SHB: variants seen among roughly 807,000 people sequenced by gnomAD.
SHB encodes the protein SH2 domain containing adaptor protein B.
A neutral mutation model predicts 52.3 loss-of-function variants in SHB; 20 were observed. That is an observed-to-expected ratio of 0.38 (90% CI 0.27 to 0.56). The LOEUF is 0.56. Among genes scored for constraint, SHB ranks in the 20% least tolerant of loss-of-function variants. SHB has a pLI of 0.71. For missense variants in SHB, 825 were observed against 723.3 expected, an observed-to-expected ratio of 1.14 and a Z score of -1.61; for synonymous variants, 397 against 316.5, an observed-to-expected ratio of 1.25 and a Z score of -2.70.
chr9:37,948,721 G>T lies in SHB; in HGVS notation c.1260C>A (p.Ala420=), dbSNP rs369078952. ...WYHGAISRGD[A]ENLLRLCKEC... ...CCTTGCAGAGTCGCAGCAGGTTCTCGGCGTCTCCTCTGCTGATGGCTCCGT... is the reference window on the plus strand; with the variant it reads ...CCTTGCAGAGTCGCAGCAGGTTCTCTGCGTCTCCTCTGCTGATGGCTCCGT... The change falls in exon 5 of 6, where the codon GCC becomes GCA. Residue 420 remains alanine (A), a synonymous_variant. Coordinates refer to ENST00000377707, the MANE Select transcript of SHB (RefSeq NM_003028.3). 1.5e-5 allele frequency: 25 copies of T among 1,613,766 alleles called. No homozygotes were observed. Among genetic ancestry groups the T allele is most frequent in the Middle Eastern group, 3.3e-4 (2 of 6,080 alleles).
At chr9:37,976,231 T>G (rs1212865155) in intron 2 of SHB, among the ~76,000 whole-genome samples, 1 of 152,198 alleles carries the variant, frequency 6.6e-6, no homozygotes, top group Non-Finnish European at 1.5e-5. Context: ...AGACGGGGTT[T>G]TGCCATGTTG....
chr9:37,928,112 C>A (rs1202450176), intron 5 of SHB, among the ~76,000 whole-genome samples: 1 of 152,222 alleles, frequency 6.6e-6, no homozygotes, highest in Non-Finnish European at 1.5e-5. Flanking sequence ...GTCCCCTCCC[C>A]CTGGGCCTCA....
At chr9:38,000,070 G>T (rs1348915509) in intron 2 of SHB, among the ~76,000 whole-genome samples, 1 of 152,240 alleles carries the variant, frequency 6.6e-6, no homozygotes, top group Non-Finnish European at 1.5e-5. Flanking sequence ...CACAGGCCCA[G>T]GGCTGGGTCC....
At chr9:37,920,831 C>T (rs1443495026) in intron 5 of SHB, among the ~76,000 whole-genome samples, 1 of 152,216 alleles carries the variant, frequency 6.6e-6, no homozygotes, top group Non-Finnish European at 1.5e-5. Context: ...AGGGCCCAGT[C>T]TATGTCCACC....
chr9:38,008,073 T>G (rs1009556023), intron 2 of SHB, among the ~76,000 whole-genome samples: 12 of 152,188 alleles, frequency 7.9e-5, no homozygotes, highest in Non-Finnish European at 1.8e-4. Flanking sequence ...TCTGGGCCCC[T>G]GTCCACCTTC....
At chr9:37,959,655 A>G (rs1289200114) in intron 3 of SHB, among the ~76,000 whole-genome samples, 1 of 152,146 alleles carries the variant, frequency 6.6e-6, no homozygotes, top group Non-Finnish European at 1.5e-5. Flanking sequence ...TTGTGGAGGG[A>G]GCCCAAGCTT....
chr9:38,044,223 G>C (rs904230729), intron 1 of SHB, among the ~76,000 whole-genome samples: 1 of 152,226 alleles, frequency 6.6e-6, no homozygotes, highest in East Asian at 1.9e-4. Context: ...GGGTGAGCGC[G>C]ACACATGTTG....
At chr9:37,938,670 C>T (rs777408705) in intron 5 of SHB, among the ~76,000 whole-genome samples, 14 of 152,236 alleles carry the variant, frequency 9.2e-5, no homozygotes, top group East Asian at 1.9e-4. Flanking sequence ...GAAATGTAAT[C>T]GCGGCTGCTC....
At position 37,980,159 on chromosome 9, in the gene SHB, C is replaced by T. The variant is rs115146550; in HGVS notation, c.839-5322G>A. On this transcript the variant is annotated intron_variant, in intron 2 of 5. Transcript: ENST00000377707. ...CAATAAAATTTGCCACATAGATTGACTCTTCCTTTCACGAAAGATTTCTCT... is the reference window on the plus strand; with the variant it reads ...CAATAAAATTTGCCACATAGATTGATTCTTCCTTTCACGAAAGATTTCTCT... Among the ~76,000 whole-genome samples, 736 of 152,170 alleles carry T rather than the reference C, an allele frequency of 4.8e-3. 8 individuals are homozygous for T. The highest frequency in any genetic ancestry group is 0.017 in the African/African-American group (711 of 41,530).
chr9:37,916,283 G>C lies in SHB; in HGVS notation c.*3538C>G, dbSNP rs1481012099. Among the ~76,000 whole-genome samples, 1 of 152,256 alleles carries C rather than the reference G, an allele frequency of 6.6e-6. No homozygotes were observed. Among genetic ancestry groups the C allele is most frequent in the Non-Finnish European group, 1.5e-5 (1 of 68,044 alleles). On this transcript the variant is annotated 3_prime_UTR_variant, in exon 6 of 6. Transcript: ENST00000377707. ...CCTGATTCGGCCATGACCCTTCACG[G>C]GTGTCTGTGGGCCAACACCAAACGC... is the stretch of plus-strand genomic sequence containing the variant.
chr9:38,039,741 A>C (rs59454220), intron 1 of SHB, among the ~76,000 whole-genome samples: 2 of 152,254 alleles, frequency 1.3e-5, no homozygotes, highest in Non-Finnish European at 2.9e-5. Flanking sequence ...CAGCTCCCTC[A>C]TGAGTCCAGG....
At chr9:38,027,207 AG>A (rs1374881442) in intron 1 of SHB, among the ~76,000 whole-genome samples, 1 of 152,134 alleles carries the variant, frequency 6.6e-6, no homozygotes, top group Non-Finnish European at 1.5e-5. Flanking sequence ...AGGGCAGGGC[AG>A]GGCCTCCAGG....
At chr9:37,940,979 T>C (rs1832428198) in intron 5 of SHB, among the ~76,000 whole-genome samples, 1 of 152,150 alleles carries the variant, frequency 6.6e-6, no homozygotes, top group East Asian at 1.9e-4. Context: ...GTTCACTCAT[T>C]CATCCAAGGT....
intron 5 of SHB, among the ~76,000 whole-genome samples, chr9:37,945,191 G>C (rs762985237): frequency 6.6e-6 from 1 of 152,242 alleles, no homozygotes; most frequent in Non-Finnish European, 1.5e-5. Flanking sequence ...TGGAATTCCA[G>C]TGTCAATTTG....
chr9:37,996,972 T>C (rs1820954880), intron 2 of SHB, among the ~76,000 whole-genome samples: 1 of 152,222 alleles, frequency 6.6e-6, no homozygotes, highest in South Asian at 2.1e-4. Flanking sequence ...AATCTGTGTG[T>C]CTGCCTGGTG....
chr9:37,942,172 G>A lies in SHB; in HGVS notation c.1346+6463C>T, dbSNP rs551913756. 2.4e-4 allele frequency among the ~76,000 whole-genome samples: 37 copies of A among 152,282 alleles called. No homozygotes were observed. The South Asian group carries it at 6.0e-3, about 25-fold the overall frequency. On this transcript the variant is annotated intron_variant, in intron 5 of 5. Coordinates refer to ENST00000377707, the MANE Select transcript of SHB (RefSeq NM_003028.3). ...CTGTTACACCCACCCAACCTCCTTC[G>A]GAGCTACAGGAGGTATTTGCCGGCT... is the stretch of plus-strand genomic sequence containing the variant.
intron 2 of SHB, among the ~76,000 whole-genome samples, chr9:37,980,775 G>A (rs1431570208): frequency 6.6e-6 from 1 of 152,218 alleles, no homozygotes; most frequent in African/African-American, 2.4e-5. Flanking sequence ...ATGGGCCGCG[G>A]AATGGATGTT....
At chr9:38,060,104 T>G (rs1414356263) in intron 1 of SHB, among the ~76,000 whole-genome samples, 1 of 152,198 alleles carries the variant, frequency 6.6e-6, no homozygotes, top group Non-Finnish European at 1.5e-5. Flanking sequence ...TATGGCACAG[T>G]GGTTACAAAC....
chr9:38,063,048 G>A (rs972805149), intron 1 of SHB, among the ~76,000 whole-genome samples: 34 of 152,356 alleles, frequency 2.2e-4, no homozygotes, highest in African/African-American at 7.0e-4. Flanking sequence ...TATGAAGCCT[G>A]GGGAATGTAT....
Sources: allele counts gnomAD v4.1 joint callset (sites outside exome capture counted in the v4.1 genomes callset), GRCh38; gene constraint gnomAD v4.1.1; transcripts MANE v1.5; gene names NCBI Gene and HGNC (gene_info 2026-07-23, HGNC 2026-07-21).